Variants in DPP6 observed in about 807,000 individuals in gnomAD.
DPP6 encodes the protein A-type potassium channel modulatory protein DPP6.
In DPP6, 69 loss-of-function variants were observed where a neutral mutation model predicts 122.6. That is an observed-to-expected ratio of 0.56 (90% CI 0.46 to 0.69). The LOEUF is 0.69. Ranked by LOEUF, DPP6 falls within the 30% of genes least tolerant of loss-of-function variation. The pLI is 0.00. For synonymous variants in DPP6, 418 were observed against 433.1 expected, an observed-to-expected ratio of 0.97 and a Z score of 0.43; for missense variants, 928 against 1,116.9, an observed-to-expected ratio of 0.83 and a Z score of 2.41.
intron 16 of DPP6, among the ~76,000 whole-genome samples, chr7:154,851,515 G>T (rs1584892495): frequency 2.0e-5 from 3 of 152,198 alleles, no homozygotes; most frequent in African/African-American, 2.4e-5. Context: ...CCCATGGGGG[G>T]GAAATGAATC....
chr7:154,515,016 G>A (rs1447038535), intron 3 of DPP6, among the ~76,000 whole-genome samples: 2 of 152,180 alleles, frequency 1.3e-5, no homozygotes, highest in Non-Finnish European at 2.9e-5. Flanking sequence ...TAGTGGATGA[G>A]CCAAGAAGAC....
chr7:154,281,377 G>A (rs780022902), intron 1 of DPP6, among the ~76,000 whole-genome samples: 35 of 151,968 alleles, frequency 2.3e-4, no homozygotes, highest in Non-Finnish European at 4.0e-4. Context: ...CCTCTACAAG[G>A]CCCAGGATGT....
intron 1 of DPP6, among the ~76,000 whole-genome samples, chr7:154,181,289 A>G (rs1053044420): frequency 9.9e-5 from 15 of 152,166 alleles, no homozygotes; most frequent in African/African-American, 1.4e-4. Flanking sequence ...ACTGTCTTTC[A>G]GATAAGAGAG....
intron 1 of DPP6, among the ~76,000 whole-genome samples, chr7:154,359,870 G>T (rs971321862): frequency 6.6e-6 from 1 of 152,156 alleles, no homozygotes; most frequent in Non-Finnish European, 1.5e-5. Context: ...AAGCCTTTCT[G>T]GGAAGTATAA....
At chr7:154,147,303 GTCTTT>G (rs1223448569) in intron 1 of DPP6, among the ~76,000 whole-genome samples, 1 of 152,128 alleles carries the variant, frequency 6.6e-6, no homozygotes, top group Admixed American at 6.5e-5. Context: ...CTCTCGTCCA[GTCTTT>G]TCTTTGTCTT....
chr7:154,343,216 T>A (rs1810082653), intron 1 of DPP6, among the ~76,000 whole-genome samples: 1 of 152,244 alleles, frequency 6.6e-6, no homozygotes. Flanking sequence ...CCACACACTT[T>A]GTGGCTTCCT....
chr7:154,345,652 C>T (rs1044250034), intron 1 of DPP6, among the ~76,000 whole-genome samples: 3 of 152,154 alleles, frequency 2.0e-5, no homozygotes, highest in African/African-American at 7.2e-5. Context: ...TGCTGTTCCT[C>T]CTTCCGCCCC....
intron 7 of DPP6, among the ~76,000 whole-genome samples, chr7:154,690,348 G>A (rs1037816288): frequency 5.9e-5 from 9 of 152,190 alleles, no homozygotes; most frequent in Admixed American, 2.0e-4. Context: ...CAGCAGAGAC[G>A]GTAAGCAGAA....
At chr7:154,708,638 A>C (rs1216521969) in intron 7 of DPP6, among the ~76,000 whole-genome samples, 1 of 152,232 alleles carries the variant, frequency 6.6e-6, no homozygotes, top group Non-Finnish European at 1.5e-5. Context: ...GCCAAGATGC[A>C]CACAATAGTA....
chr7:154,437,225 G>A (rs1818950332), intron 1 of DPP6, among the ~76,000 whole-genome samples: 1 of 152,158 alleles, frequency 6.6e-6, no homozygotes. Flanking sequence ...CCATTATACT[G>A]GATTATGTGA....
At chr7:154,405,095 G>A (rs1012580336) in intron 1 of DPP6, among the ~76,000 whole-genome samples, 3 of 152,146 alleles carry the variant, frequency 2.0e-5, no homozygotes, top group African/African-American at 7.2e-5. Context: ...TTCTATGTAT[G>A]TGAATTTTTT....
At chr7:153,788,652 G>A in the DPP6 span, among the ~76,000 whole-genome samples, 19 of 152,182 alleles carry the variant, frequency 1.2e-4, no homozygotes, top group South Asian at 4.0e-3. Flanking sequence ...CATGTGTATG[G>A]GTCTCAACTC....
At chr7:153,954,482 C>T (rs1173317469) in intron 1 of DPP6, among the ~76,000 whole-genome samples, 2 of 152,192 alleles carry the variant, frequency 1.3e-5, no homozygotes, top group East Asian at 1.9e-4. Flanking sequence ...AGATTGGCAC[C>T]TCATGAAAAT....
intron 7 of DPP6, among the ~76,000 whole-genome samples, chr7:154,684,056 AT>A (rs1839446759): frequency 6.6e-6 from 1 of 151,886 alleles, no homozygotes; most frequent in South Asian, 2.1e-4. Flanking sequence ...TTTTGTAGAG[AT>A]GGGGGTCTCA....
rs1213312852 is a variant in DPP6 at position 154,060,308 on chromosome 7, TC to T, written c.243+7246del. On this transcript the variant is annotated intron_variant, in intron 1 of 25. Transcript: ENST00000377770. Reference sequence around the variant, plus strand: ...AGGCAATCCCTCTTCCCCCCCTGGCTCTTAGGACCCCCATCGCAGGAGGGGG... The same window carrying T: ...AGGCAATCCCTCTTCCCCCCCTGGCTTTAGGACCCCCATCGCAGGAGGGGG... Among the ~76,000 whole-genome samples the T allele has an allele frequency of 9.3e-5, 12 of 129,718 alleles. 1 individual carries two copies. The highest frequency in any genetic ancestry group is 2.7e-4 in the African/African-American group (9 of 33,936). 85.1% of individuals were successfully genotyped at this position (129,718 alleles called of 152,430 possible). A position where few individuals can be genotyped will look rare whatever the true frequency, so the allele number is the denominator to read the frequency against.
chr7:153,759,971 A>ATCTC, the DPP6 span, among the ~76,000 whole-genome samples: 608 of 137,020 alleles, frequency 4.4e-3, 6 homozygotes, highest in African/African-American at 0.015. Flanking sequence ...CTGTTTCTGT[A>ATCTC]TCTCTCTCTC....
chr7:154,339,857 G>A (rs1270146599), intron 1 of DPP6, among the ~76,000 whole-genome samples: 2 of 152,078 alleles, frequency 1.3e-5, no homozygotes, highest in Non-Finnish European at 2.9e-5. Flanking sequence ...GGCGGATCAC[G>A]AGGTCAGGAG....
intron 1 of DPP6, chr7:154,094,053 A>G (rs1805130225): frequency 6.6e-6 from 1 of 152,252 alleles, no homozygotes; most frequent in Admixed American, 6.5e-5. Context: ...TTGAACAATT[A>G]AAATGATTAG....
intron 1 of DPP6, among the ~76,000 whole-genome samples, chr7:154,215,879 A>G (rs1220514322): frequency 6.6e-6 from 1 of 151,994 alleles, no homozygotes; most frequent in East Asian, 1.9e-4. Flanking sequence ...CTTTTGAGGA[A>G]TTTTCTGAAT....
Sources: allele counts gnomAD v4.1 joint callset (sites outside exome capture counted in the v4.1 genomes callset), GRCh38; gene constraint gnomAD v4.1.1; transcripts MANE v1.5; gene names NCBI Gene and HGNC (gene_info 2026-07-23, HGNC 2026-07-21).